Variants in SGCZ observed in about 807,000 individuals in gnomAD.
SGCZ encodes the protein sarcoglycan zeta.
A neutral mutation model predicts 41.3 loss-of-function variants in SGCZ; 40 were observed. The ratio of observed to expected loss-of-function variants is 0.97; its 90% CI spans 0.75 to 1.26. The LOEUF is 1.26. SGCZ is among the 50% of genes most tolerant of loss of function. SGCZ has a pLI of 0.00. For missense variants in SGCZ, 552 were observed against 369.8 expected (o/e 1.49, Z -4.04); for synonymous variants, 206 against 137.5 (o/e 1.50, Z -3.49).
intron 1 of SGCZ, among the ~76,000 whole-genome samples, chr8:15,077,717 T>C (rs916636935): frequency 6.6e-5 from 10 of 152,306 alleles, no homozygotes; most frequent in African/African-American, 2.4e-4. Flanking sequence ...ATTAGTATCT[T>C]CCTCCTATAC....
intron 3 of SGCZ, among the ~76,000 whole-genome samples, chr8:14,290,745 TGTAA>T (rs1800812070): frequency 6.6e-6 from 1 of 151,928 alleles, no homozygotes; most frequent in Non-Finnish European, 1.5e-5. Flanking sequence ...GGAATGTAAA[TGTAA>T]ATTAGTACAA....
intron 1 of SGCZ, among the ~76,000 whole-genome samples, chr8:14,943,336 C>T (rs537584612): frequency 3.9e-5 from 6 of 152,174 alleles, no homozygotes; most frequent in East Asian, 3.9e-4. Flanking sequence ...TGAAACACTT[C>T]GGTTGCTCCA....
At chr8:14,384,243 G>C (rs1480451555) in intron 2 of SGCZ, among the ~76,000 whole-genome samples, 3 of 152,008 alleles carry the variant, frequency 2.0e-5, no homozygotes, top group Non-Finnish European at 4.4e-5. Context: ...GCGATAGTTT[G>C]CTGAGAATGA....
At chr8:14,514,422 T>G (rs960453475) in intron 2 of SGCZ, among the ~76,000 whole-genome samples, 1 of 151,940 alleles carries the variant, frequency 6.6e-6, no homozygotes, top group Admixed American at 6.6e-5. Flanking sequence ...CGACATCTCT[T>G]ATAACTTAGA....
intron 1 of SGCZ, among the ~76,000 whole-genome samples, chr8:14,891,842 G>T (rs901420150): frequency 6.6e-6 from 1 of 152,170 alleles, no homozygotes; most frequent in Non-Finnish European, 1.5e-5. Context: ...ATCTTAACAT[G>T]CAGACAATAT....
At position 14,870,444 on chromosome 8, in the gene SGCZ, A is replaced by G. The variant is rs183547144; in HGVS notation, c.40-315518T>C. On this transcript the variant is annotated intron_variant, in intron 1 of 7. Transcript: ENST00000382080. ...TTATATAAAAATTAACTCAAGTAAG[A>G]TTAAGGACTTAAACATAAGACTTAA... 2.8e-3 allele frequency among the ~76,000 whole-genome samples: 434 copies of G among 152,316 alleles called. 2 individuals are homozygous for G. The highest frequency in any genetic ancestry group is 0.01 in the African/African-American group (416 of 41,572).
At chr8:14,856,171 G>T (rs373358552) in intron 1 of SGCZ, among the ~76,000 whole-genome samples, 2 of 152,138 alleles carry the variant, frequency 1.3e-5, no homozygotes, top group African/African-American at 4.8e-5. Flanking sequence ...ACTTTTTGTG[G>T]TGTTTAAGAT....
At chr8:14,885,267 C>G (rs892942586) in intron 1 of SGCZ, among the ~76,000 whole-genome samples, 1 of 152,082 alleles carries the variant, frequency 6.6e-6, no homozygotes, top group Non-Finnish European at 1.5e-5. Flanking sequence ...ATTCTCAGTA[C>G]CAGCACAGTG....
At chr8:14,862,132 T>C (rs990284628) in intron 1 of SGCZ, among the ~76,000 whole-genome samples, 2 of 152,118 alleles carry the variant, frequency 1.3e-5, no homozygotes, top group Admixed American at 6.6e-5. Context: ...GTGCCTGAGC[T>C]ACCATTTGGT....
chr8:14,484,404 A>G (rs1801617113), intron 2 of SGCZ, among the ~76,000 whole-genome samples: 1 of 152,184 alleles, frequency 6.6e-6, no homozygotes, highest in East Asian at 1.9e-4. Flanking sequence ...ACTTTTAAAT[A>G]TAGAATTATG....
intron 1 of SGCZ, among the ~76,000 whole-genome samples, chr8:15,084,829 A>G (rs192881873): frequency 6.6e-6 from 1 of 152,072 alleles, no homozygotes; most frequent in East Asian, 1.9e-4. Context: ...TGGCTACTGG[A>G]CTCTCATATA....
intron 1 of SGCZ, among the ~76,000 whole-genome samples, chr8:14,970,827 A>C (rs1227448488): frequency 1.3e-5 from 2 of 151,854 alleles, no homozygotes; most frequent in African/African-American, 2.4e-5. Context: ...ATTCTCACAC[A>C]AAAAAAAGTC....
intron 2 of SGCZ, among the ~76,000 whole-genome samples, chr8:14,461,401 A>C (rs1465581499): frequency 6.6e-6 from 1 of 152,024 alleles, no homozygotes; most frequent in East Asian, 1.9e-4. Context: ...ACCTCCTTAC[A>C]CATGTGTAAT....
intron 1 of SGCZ, among the ~76,000 whole-genome samples, chr8:15,088,075 A>G (rs1359482935): frequency 6.6e-6 from 1 of 152,102 alleles, no homozygotes; most frequent in Non-Finnish European, 1.5e-5. Flanking sequence ...ATCATACTGA[A>G]TAGAAAAAGG....
chr8:14,101,001 A>G (rs1252198233), intron 7 of SGCZ, among the ~76,000 whole-genome samples: 1 of 152,186 alleles, frequency 6.6e-6, no homozygotes, highest in African/African-American at 2.4e-5. Flanking sequence ...CACTGTCAAG[A>G]ACTTTCAAAA....
At chr8:14,738,546 G>A (rs962033950) in intron 1 of SGCZ, among the ~76,000 whole-genome samples, 13 of 152,168 alleles carry the variant, frequency 8.5e-5, no homozygotes, top group Middle Eastern at 3.4e-3. Context: ...TACCTAGCTC[G>A]TAAAATTTCC....
chr8:14,493,509 A>C (rs1474481502), intron 2 of SGCZ, among the ~76,000 whole-genome samples: 2 of 151,098 alleles, frequency 1.3e-5, no homozygotes, highest in Non-Finnish European at 2.9e-5. Flanking sequence ...CTGGAACTAC[A>C]GGTGTGCACT....
intron 3 of SGCZ, among the ~76,000 whole-genome samples, chr8:14,254,199 G>C (rs779323858): frequency 8.5e-5 from 13 of 152,150 alleles, no homozygotes; most frequent in Admixed American, 2.0e-4. Flanking sequence ...TGGATTTTGA[G>C]TTTACCGGCA....
intron 2 of SGCZ, among the ~76,000 whole-genome samples, chr8:14,531,197 T>G (rs1172676378): frequency 6.6e-6 from 1 of 151,976 alleles, no homozygotes; most frequent in Admixed American, 6.6e-5. Context: ...TCCAAGCCTA[T>G]TCATAAACCT....
Sources: gnomAD v4.1 joint callset for allele counts (sites outside exome capture counted in the v4.1 genomes callset) on GRCh38, gnomAD v4.1.1 for gene constraint, MANE v1.5 for transcripts, NCBI Gene and HGNC (gene_info 2026-07-23, HGNC 2026-07-21) for gene names.